TVP23C: variants seen among roughly 807,000 people sequenced by gnomAD.
The protein encoded by TVP23C is Golgi apparatus membrane protein TVP23 homolog C.
TVP23C carries 19 observed loss-of-function variants against 28.7 expected under a neutral mutation model. That is an observed-to-expected ratio of 0.66 (90% CI 0.46 to 0.97). TVP23C has a LOEUF of 0.97. Among genes scored for constraint, TVP23C ranks in the 50% least tolerant of loss-of-function variants. The pLI, the probability that TVP23C is intolerant of heterozygous loss-of-function variation, is 0.00. For missense variants in TVP23C, 186 were observed against 241.3 expected (o/e 0.77, Z 1.52); for synonymous variants, 68 against 81.7 (o/e 0.83, Z 0.90).
chr17:15,507,608 G>A (rs574558909), intron 5 of TVP23C, among the ~76,000 whole-genome samples: 8 of 152,184 alleles, frequency 5.3e-5, no homozygotes, highest in Non-Finnish European at 1.0e-4. Flanking sequence ...GGAGGCCGAC[G>A]CAGGCGGATC....
At chr17:15,536,619 AAC>A (rs1176858065), downstream of TVP23C, among the ~76,000 whole-genome samples, 2 of 151,868 alleles carry the variant, frequency 1.3e-5, no homozygotes, top group South Asian at 4.2e-4. Flanking sequence ...CAGTTCAAAT[AAC>A]ACAGTTACCT....
chr17:15,511,644 G>A (rs1344621105), intron 5 of TVP23C, among the ~76,000 whole-genome samples: 2 of 152,066 alleles, frequency 1.3e-5, no homozygotes, highest in Non-Finnish European at 2.9e-5. Flanking sequence ...TCCAAGAATT[G>A]TTCCAGTCCT....
At chr17:15,505,862 C>A (rs554237343) in intron 5 of TVP23C, among the ~76,000 whole-genome samples, 1 of 152,344 alleles carries the variant, frequency 6.6e-6, no homozygotes, top group South Asian at 2.1e-4. Flanking sequence ...TACTGGGTCC[C>A]CCAGCAGTGC....
At chr17:15,507,343 C>CA in intron 5 of TVP23C, 1 of 749,048 alleles carries the variant, frequency 1.3e-6, no homozygotes. Context: ...GCTGACTGGA[C>CA]AACTCTAATA....
At chr17:15,504,376 G>A (rs571395718) in intron 5 of TVP23C, among the ~76,000 whole-genome samples, 16 of 152,272 alleles carry the variant, frequency 1.1e-4, no homozygotes, top group East Asian at 3.9e-4. Context: ...AATTGAAGTC[G>A]TGGTCATGGG....
At chr17:15,553,189 G>T (rs1451460514) in intron 3 of TVP23C, among the ~76,000 whole-genome samples, 1 of 140,054 alleles carries the variant, frequency 7.1e-6, no homozygotes, top group Non-Finnish European at 1.5e-5. Flanking sequence ...TTTGGACACT[G>T]ACAAATATTC....
chr17:15,511,328 C>T (rs564664697), intron 5 of TVP23C, among the ~76,000 whole-genome samples: 20 of 152,276 alleles, frequency 1.3e-4, no homozygotes, highest in Non-Finnish European at 2.8e-4. Flanking sequence ...CCATCAAGAA[C>T]AAGGGCTCTA....
chr17:15,559,313 T>TAAAAAAAAA (rs56346847), intron 1 of TVP23C, among the ~76,000 whole-genome samples: 10 of 105,158 alleles, frequency 9.5e-5, no homozygotes, highest in South Asian at 3.3e-4. Flanking sequence ...GGTACAGATT[T>TAAAAAAAAA]AAAAAAAAAA....
intron 5 of TVP23C, among the ~76,000 whole-genome samples, chr17:15,507,867 C>CA (rs1474972059): frequency 2.0e-5 from 3 of 151,702 alleles, no homozygotes; most frequent in East Asian, 1.9e-4. Flanking sequence ...AACTAAATAA[C>CA]AAAAAAAAGA....
chr17:15,503,047 T>C, exon 6 of TVP23C: 3 of 1,613,836 alleles, frequency 1.9e-6, no homozygotes, highest in East Asian at 2.2e-5. Context: ...GGGGCGCAGG[T>C]TTCCAGTAAA....
At chr17:15,522,911 G>A (rs1293511106) in intron 5 of TVP23C, among the ~76,000 whole-genome samples, 4 of 151,942 alleles carry the variant, frequency 2.6e-5, no homozygotes, top group Admixed American at 6.6e-5. Context: ...GCATGGTGGT[G>A]CACACCTGTG....
chr17:15,515,787 G>C (rs1051414559), intron 5 of TVP23C, among the ~76,000 whole-genome samples: 13 of 152,140 alleles, frequency 8.5e-5, no homozygotes, highest in African/African-American at 2.4e-4. Context: ...ATGAATGAAT[G>C]ATGGGCACAG....
rs970872978 is a variant in TVP23C at position 15,537,947 on chromosome 17, C to T, written c.*2465G>A. The T allele has an allele frequency of 1.4e-6, 2 of 1,448,002 alleles. No homozygotes were observed. Among genetic ancestry groups the T allele is most frequent in the Non-Finnish European group, 1.8e-6 (2 of 1,102,524 alleles). 89.7% of individuals were successfully genotyped at this position (1,448,002 alleles called of 1,614,324 possible). A position where few individuals can be genotyped will look rare whatever the true frequency, so the allele number is the denominator to read the frequency against. On this transcript the variant is annotated 3_prime_UTR_variant, in exon 6 of 6. Coordinates refer to ENST00000518321, the MANE Select transcript of TVP23C (RefSeq NM_001135036.2). Reference sequence around the variant, plus strand: ...GCCAACATATACTTTCTAGCCCCAACTGCTGGAAAGGAAATAAAAACTTAA... The same window carrying T: ...GCCAACATATACTTTCTAGCCCCAATTGCTGGAAAGGAAATAAAAACTTAA...
At chr17:15,559,982 G>A (rs1384898597) in intron 1 of TVP23C, among the ~76,000 whole-genome samples, 1 of 149,352 alleles carries the variant, frequency 6.7e-6, no homozygotes, top group East Asian at 1.9e-4. Context: ...ACCAAACAAA[G>A]TGCCTCCAGG....
In TVP23C at chr17:15,539,035, G is replaced by A. The variant is rs186889448; in HGVS notation, c.*1377C>T. ...ATCTAGCTTTGTACCACTATTAGCT[G>A]TATAATCTTAAGTAAATAATTTAAT... On this transcript the variant is annotated 3_prime_UTR_variant, in exon 6 of 6. Transcript: ENST00000518321. The A allele has an allele frequency of 1.9e-5, 19 of 985,214 alleles. No homozygotes were observed. The highest frequency in any genetic ancestry group is 1.1e-4 in the East Asian group (1 of 8,814). The allele number at this position is 985,214 out of a possible 1,614,324, so 61.0% of individuals were successfully genotyped here. A position where few individuals can be genotyped will look rare whatever the true frequency, so the allele number is the denominator to read the frequency against.
At chr17:15,508,694 A>T (rs1196020249) in intron 5 of TVP23C, among the ~76,000 whole-genome samples, 1 of 152,202 alleles carries the variant, frequency 6.6e-6, no homozygotes, top group South Asian at 2.1e-4. Context: ...AAAATGACCC[A>T]CTAATAGCTT....
intron 5 of TVP23C, among the ~76,000 whole-genome samples, chr17:15,511,731 C>A (rs1010018358): frequency 3.3e-5 from 5 of 152,118 alleles, no homozygotes; most frequent in African/African-American, 4.8e-5. Flanking sequence ...CTCAAGAATA[C>A]CACTGTTATA....
downstream of TVP23C, among the ~76,000 whole-genome samples, chr17:15,536,057 T>C (rs913612369): frequency 1.1e-4 from 17 of 151,972 alleles, no homozygotes; most frequent in African/African-American, 3.9e-4. Flanking sequence ...CCAGGTGTAG[T>C]GGCAGGCTGG....
At chr17:15,534,979 A>G, downstream of TVP23C, among the ~76,000 whole-genome samples, 1 of 150,674 alleles carries the variant, frequency 6.6e-6, no homozygotes, top group Middle Eastern at 3.4e-3. Context: ...AAAATAAAAA[A>G]ACAAAAATGT....
Sources: allele counts gnomAD v4.1 joint callset (sites outside exome capture counted in the v4.1 genomes callset), GRCh38; gene constraint gnomAD v4.1.1; transcripts MANE v1.5; gene names NCBI Gene and HGNC (gene_info 2026-07-23, HGNC 2026-07-21).